ARL10: variants seen among roughly 807,000 people sequenced by gnomAD.
The protein encoded by ARL10 is ARF like GTPase 10, also known as ADP-ribosylation factor-like protein 10.
A neutral mutation model predicts 26.1 loss-of-function variants in ARL10; 23 were observed. That is an observed-to-expected ratio of 0.88 (90% CI 0.63 to 1.25). The LOEUF is 1.25. Among genes scored for constraint, ARL10 ranks in the 50% most tolerant of loss-of-function variants. The pLI is 0.00. For synonymous variants in ARL10, 138 were observed against 149.1 expected (o/e 0.93, Z 0.54); for missense variants, 300 against 323.6 (o/e 0.93, Z 0.56).
chr5:176,371,247 C>CG (rs1554123832), intron 3 of ARL10, among the ~76,000 whole-genome samples: 1 of 151,526 alleles, frequency 6.6e-6, no homozygotes, highest in South Asian at 2.1e-4. Flanking sequence ...TGGTGGCTCA[C>CG]ACCTGTAGTC....
chr5:176,369,600 T>C (rs1768468115), intron 3 of ARL10, among the ~76,000 whole-genome samples: 1 of 152,204 alleles, frequency 6.6e-6, no homozygotes, highest in South Asian at 2.1e-4. Context: ...TGGGATGCTA[T>C]TCCCATTTTA....
chr5:176,381,799 G>A lies in ARL10; in HGVS notation c.*9904G>A, dbSNP rs1755557794. The A allele has an allele frequency of 6.6e-6, 1 of 152,332 alleles. No homozygotes were observed. The highest frequency in any genetic ancestry group is 1.9e-4 in the East Asian group (1 of 5,190). The allele number at this position is 152,332 out of a possible 1,614,324, so 9.4% of individuals were successfully genotyped here. ...ACTAATTGTTGAGGGGGTCCCTGGG[G>A]TCCCTTTTTACCTAATGAAGATCTG... On this transcript the variant is annotated 3_prime_UTR_variant, in exon 4 of 4. Coordinates refer to ENST00000310389, the MANE Select transcript of ARL10 (RefSeq NM_173664.6).
the ARL10 span, among the ~76,000 whole-genome samples, chr5:176,409,406 CTTTTTTT>C: frequency 2.5e-5 from 2 of 79,656 alleles, no homozygotes; most frequent in African/African-American, 5.7e-5. Flanking sequence ...TCTGATTGCC[CTTTTTTT>C]TTTTTTTTTT....
exon 2 of ARL10, chr5:176,388,582 T>A: frequency 1.3e-6 from 2 of 1,549,648 alleles, no homozygotes; most frequent in South Asian, 2.3e-5. Flanking sequence ...GCTGCCTCTG[T>A]CTCTCAGACC....
intron 3 of ARL10, chr5:176,369,398 A>T (rs1768452752): frequency 2.5e-6 from 1 of 405,138 alleles, no homozygotes; most frequent in Non-Finnish European, 4.4e-6. Context: ...ACACCCAGCC[A>T]ATTTTTGTAT....
intron 3 of ARL10, among the ~76,000 whole-genome samples, chr5:176,371,170 T>G (rs879918729): frequency 2.4e-4 from 37 of 151,862 alleles, no homozygotes; most frequent in Non-Finnish European, 4.3e-4. Flanking sequence ...AGGTCAGGAG[T>G]TCGAGACCAG....
At position 176,365,611 on chromosome 5, in the gene ARL10, CGCGGCGGTGCT is replaced by C; in HGVS notation, c.50_60del (p.Ala17GlyfsTer103). On this transcript the variant is annotated frameshift_variant, in exon 1 of 4. Transcript: ENST00000310389. LOFTEE classifies it high-confidence loss of function. ...CCTTGGTGCTGGCGCTGGGCGGCGCCGCGGCGGTGCTGGGCTCGGTGCTCTTCATCCTCTGG... is the reference window on the plus strand; with the variant it reads ...CCTTGGTGCTGGCGCTGGGCGGCGCCGGGCTCGGTGCTCTTCATCCTCTGG... The C allele has an allele frequency of 8.0e-7, 1 of 1,257,376 alleles. No individual in the cohort carries two copies. The highest frequency in any genetic ancestry group is 3.4e-5 in the South Asian group (1 of 29,300). The allele number at this position is 1,257,376 out of a possible 1,614,324, so 77.9% of individuals were successfully genotyped here.
chr5:176,400,870 C>T (rs959723408), intron 1 of ARL10, among the ~76,000 whole-genome samples: 2 of 152,184 alleles, frequency 1.3e-5, no homozygotes, highest in African/African-American at 4.8e-5. Flanking sequence ...ACCCCTGGAG[C>T]CAGCAGGCAC....
chr5:176,366,605 TCCCCGTCTCCTCTACTGGACCAGTC>T (rs766626948), intron 2 of ARL10, 24 bp downstream of exon 2: 1 of 1,611,384 alleles, frequency 6.2e-7, no homozygotes, highest in South Asian at 1.1e-5. Context: ...CTACCCCATC[TCCCCGTCTCCTCTACTGGACCAGTC>T]CTGGATTCTC....
chr5:176,410,448 T>C, the ARL10 span: 1 of 633,752 alleles, frequency 1.6e-6, no homozygotes, highest in Non-Finnish European at 2.8e-6. Context: ...TGGATATATA[T>C]ATAACTTAGG....
downstream of ARL10, chr5:176,388,669 C>CGG: frequency 7.5e-7 from 1 of 1,340,738 alleles, no homozygotes; most frequent in Non-Finnish European, 1.0e-6. Context: ...TTTTGTAGCA[C>CGG]TACCGTGCTG....
downstream of ARL10, chr5:176,406,615 T>A: frequency 7.8e-7 from 1 of 1,289,422 alleles, no homozygotes; most frequent in Middle Eastern, 2.1e-4. Flanking sequence ...TGCCCCTGGC[T>A]GTGCCAAATG....
intron 1 of ARL10, among the ~76,000 whole-genome samples, chr5:176,398,851 CT>C (rs972211826): frequency 2.0e-5 from 3 of 151,020 alleles, no homozygotes; most frequent in Admixed American, 6.6e-5. Context: ...CAAGACCTCA[CT>C]TTTTTTTTGA....
At chr5:176,369,323 C>G in intron 3 of ARL10, 1 of 808,236 alleles carries the variant, frequency 1.2e-6, no homozygotes, top group Admixed American at 3.2e-5. Flanking sequence ...ACCTCCACCT[C>G]CCGGGTTCAA....
rs1768246517 is a variant in ARL10, at chr5:176,365,492, C to T, written c.-72C>T. 6 of 1,143,524 alleles carry T rather than the reference C, an allele frequency of 5.2e-6. No individual in the cohort carries two copies. Among genetic ancestry groups the T allele is most frequent in the Non-Finnish European group, 6.6e-6 (6 of 913,848 alleles). 70.8% of individuals were successfully genotyped at this position (1,143,524 alleles called of 1,614,324 possible). A position where few individuals can be genotyped will look rare whatever the true frequency, so the allele number is the denominator to read the frequency against. ...TGGGTGGGCGCGGCCGCAGCAGTCG[C>T]AGCGGGGCCATCTTCGGCGGGCGAG... On this transcript the variant is annotated 5_prime_UTR_variant, in exon 1 of 4. Coordinates refer to ENST00000310389, the MANE Select transcript of ARL10 (RefSeq NM_173664.6).
downstream of ARL10, chr5:176,392,709 A>G (rs1756311560): frequency 1.3e-6 from 2 of 1,576,762 alleles, no homozygotes. The surrounding 1 kb of genome is among the most constrained non-coding windows in gnomAD (Gnocchi z 5.2). Context: ...CACCCCGACC[A>G]AAGCAGCTGC....
intron 1 of ARL10, among the ~76,000 whole-genome samples, chr5:176,387,828 G>C (rs561063929): frequency 6.6e-6 from 1 of 152,190 alleles, no homozygotes; most frequent in Non-Finnish European, 1.5e-5. Context: ...TTGAACCCGG[G>C]AAGGAGACTG....
In ARL10 at chr5:176,371,899, G is replaced by A; in HGVS notation, c.*4G>A. ...GCTCTTGGAGCTCCTCTCCTAGGCT[G>A]GAGCTCTCCTGCTTGCCACCTGCCT... On this transcript the variant is annotated 3_prime_UTR_variant, in exon 4 of 4. Coordinates refer to ENST00000310389, the MANE Select transcript of ARL10 (RefSeq NM_173664.6). The A allele has an allele frequency of 1.9e-6, 3 of 1,613,148 alleles. No individual in the cohort carries two copies. The highest frequency in any genetic ancestry group is 2.5e-6 in the Non-Finnish European group (3 of 1,179,422).
chr5:176,373,212 A>G lies in ARL10; in HGVS notation c.*1317A>G, dbSNP rs1768601274. 7.6e-6 allele frequency: 3 copies of G among 395,724 alleles called. No individual in the cohort carries two copies. The highest frequency in any genetic ancestry group is 4.4e-5 in the Admixed American group (1 of 22,660). The allele number at this position is 395,724 out of a possible 1,614,324, so 24.5% of individuals were successfully genotyped here. A position where few individuals can be genotyped will look rare whatever the true frequency, so the allele number is the denominator to read the frequency against. On this transcript the variant is annotated 3_prime_UTR_variant, in exon 4 of 4. Coordinates refer to ENST00000310389, the MANE Select transcript of ARL10 (RefSeq NM_173664.6). ...CAGCCAACGGGATGGCCTTGGGTAC[A>G]TCACTCAGCCTTTCTGGACCCAATT...
Sources: allele counts gnomAD v4.1 joint callset (sites outside exome capture counted in the v4.1 genomes callset), GRCh38; gene constraint gnomAD v4.1.1; non-coding constraint Gnocchi (gnomAD v3.1); transcripts MANE v1.5; gene names NCBI Gene and HGNC (gene_info 2026-07-23, HGNC 2026-07-21).